The following NUDT17 variants were observed in gnomAD, a reference collection of about 807,000 sequenced individuals.
NUDT17 encodes m7GpppN-mRNA hydrolase NUDT17.
NUDT17 carries 38 observed loss-of-function variants against 38.6 expected under a neutral mutation model. The observed-to-expected ratio is 0.98, with a 90% CI of 0.76 to 1.29. The LOEUF (loss-of-function observed/expected upper bound fraction) is 1.29. Among genes scored for constraint, NUDT17 ranks in the 50% most tolerant of loss-of-function variants. The pLI is 0.00. For synonymous variants in NUDT17, 192 were observed against 167.8 expected, an observed-to-expected ratio of 1.14 and a Z score of -1.11; for missense variants, 462 against 415.2, an observed-to-expected ratio of 1.11 and a Z score of -0.98.
chr1:145,847,032 A>C (rs1451684148), intron 4 of NUDT17, among the ~76,000 whole-genome samples: 3 of 152,204 alleles, frequency 2.0e-5, no homozygotes, highest in Non-Finnish European at 4.4e-5. Context: ...TCTCTACTAA[A>C]AATACAAAAA....
intron 5 of NUDT17, 102 bp from the exon 6 acceptor site, chr1:145,847,481 C>G (rs1652760831): frequency 6.6e-7 from 1 of 1,522,128 alleles, no homozygotes; most frequent in Non-Finnish European, 9.1e-7. Flanking sequence ...GCCCTTTCCC[C>G]TTGCTCCTGC....
rs1553733287 is a variant in NUDT17, at chr1:145,848,424, CA to C, written c.935del (p.Lys312ArgfsTer20). The C allele has an allele frequency of 2.5e-6, 4 of 1,614,130 alleles. No individual in the cohort carries two copies. The highest frequency in any genetic ancestry group is 3.4e-6 in the Non-Finnish European group (4 of 1,180,008). On this transcript the variant is annotated frameshift_variant, in exon 8 of 8. Coordinates refer to ENST00000334513, the MANE Select transcript of NUDT17 (RefSeq NM_001012758.3). LOFTEE classifies it low-confidence loss of function (END_TRUNC). Reference protein sequence around the residue: ...KSAAYLDPGPAKEEWNMDPLP... With the variant: ...KSAAYLDPGPXKEEWNMDPLP... ...GCAGCTTACCTGGACCCAGGGCCAG[CA>C]AAGGAAGAATGGAACATGGACCCTC...
rs782744928 is a variant in NUDT17 at position 145,846,601 on chromosome 1, C to T, written c.406C>T (p.Leu136=). The change falls in exon 4 of 8, where the codon CTG becomes TTG. Residue 136 remains leucine, a synonymous_variant. Transcript: ENST00000334513. ...GGHVELEEEL[L]DGGLRELWEE... ...ATGTGTCTTCTCTGACTCCCAGCTG[C>T]TGGACGGAGGGCTTCGAGAACTTTG... The T allele has an allele frequency of 6.2e-7, 1 of 1,614,068 alleles. No homozygotes were observed. The highest frequency in any genetic ancestry group is 8.5e-7 in the Non-Finnish European group (1 of 1,179,882).
In NUDT17 at chr1:145,848,513, A is replaced by G. The variant is rs1652824611; in HGVS notation, c.*34A>G. On this transcript the variant is annotated 3_prime_UTR_variant, in exon 8 of 8. Coordinates refer to ENST00000334513, the MANE Select transcript of NUDT17 (RefSeq NM_001012758.3). ...ATCCCCTCCCTAGCCCATCTCCATG[A>G]CACTCACAGAACATTCACAACCTTT... The G allele has an allele frequency of 7.1e-7, 1 of 1,406,094 alleles. No homozygotes were observed. Among genetic ancestry groups the G allele is most frequent in the Non-Finnish European group, 1.0e-6 (1 of 998,610 alleles). 87.1% of individuals were successfully genotyped at this position (1,406,094 alleles called of 1,614,324 possible).
chr1:145,847,839 G>T, intron 6 of NUDT17, 120 bp downstream of exon 6: 1 of 1,026,960 alleles, frequency 9.7e-7, no homozygotes, highest in Non-Finnish European at 1.5e-6. Context: ...AGGAGAGTGG[G>T]TCAGCTGATA....
rs587613935 is a variant in NUDT17, at chr1:145,846,099, G to T, written c.279G>T (p.Leu93=). 6.2e-7 allele frequency: 1 copy of T among 1,603,146 alleles called. No homozygotes were observed. Among genetic ancestry groups the T allele is most frequent in the Non-Finnish European group, 8.5e-7 (1 of 1,175,512 alleles). ...AELPTDRGVD[L]GVAVILQSSD... ...TGCCCACAGATCGAGGTGTGGACCT[G>T]GGTGTGGCCGTCATTCTGCAGTCCA... Residue 93 remains leucine, a synonymous_variant, in exon 2 of 8, where the codon CTG becomes CTT. Transcript: ENST00000334513.
Position 145,847,683 on chromosome 1 carries a change from C to G in NUDT17, c.695C>G (p.Pro232Arg). 6.2e-7 allele frequency: 1 copy of G among 1,614,024 alleles called. No individual in the cohort carries two copies. Among genetic ancestry groups the G allele is most frequent in the Non-Finnish European group, 8.5e-7 (1 of 1,179,996 alleles). The change falls in exon 6 of 8, where the codon CCC becomes CGC. Residue 232 changes from proline to arginine, a missense_variant. Physicochemically the swap from Pro to Arg is moderately radical, Grantham distance 103. Coordinates refer to ENST00000334513, the MANE Select transcript of NUDT17 (RefSeq NM_001012758.3). Reference protein sequence around the residue: ...VAAAEDGTETPGLLPQDLPPS... With the variant: ...VAAAEDGTETRGLLPQDLPPS... ...GCCGCAGAGGATGGGACAGAGACAC[C>G]CGGACTTCTCCCCCAGGACCTACCA... is the stretch of plus-strand genomic sequence containing the variant.
In NUDT17 at chr1:145,846,413, T is replaced by G. The variant is rs371840507; in HGVS notation, c.377-20T>G. Reference sequence around the variant, plus strand: ...GCCAAGACCACCACCATTCACCTACTGGCCCCACTGTTGTTGCAGGTGGGC... The same window carrying G: ...GCCAAGACCACCACCATTCACCTACGGGCCCCACTGTTGTTGCAGGTGGGC... On this transcript the variant is annotated intron_variant, in intron 2 of 7. Transcript: ENST00000334513. 9 of 1,613,848 alleles carry G rather than the reference T, an allele frequency of 5.6e-6. No individual in the cohort carries two copies. Among genetic ancestry groups the G allele is most frequent in the Non-Finnish European group, 7.6e-6 (9 of 1,179,866 alleles).
At chr1:145,846,299 T>C (rs1198186179) in intron 2 of NUDT17, 103 bp downstream of exon 2, 1 of 1,463,574 alleles carries the variant, frequency 6.8e-7, no homozygotes, top group Admixed American at 1.9e-5. Flanking sequence ...GGCCCCAAAA[T>C]GTGGCATGTT....
In NUDT17 at chr1:145,846,031, T is replaced by C; in HGVS notation, c.211T>C (p.Phe71Leu). The C allele has an allele frequency of 6.2e-7, 1 of 1,603,746 alleles. No homozygotes were observed. Among genetic ancestry groups the C allele is most frequent in the Non-Finnish European group, 8.5e-7 (1 of 1,175,988 alleles). ...CTGCCAGCGACCCCCTTTCTGCCCTTTTGCGGCCCTGGAGGAGCGGCCCAG... is the reference window on the plus strand; with the variant it reads ...CTGCCAGCGACCCCCTTTCTGCCCTCTTGCGGCCCTGGAGGAGCGGCCCAG... ...LPLQRPPFCP[F>L]AALEERPRVP... The change falls in exon 2 of 8, where the codon TTT becomes CTT. Residue 71 changes from phenylalanine (F) to leucine (L), a missense_variant. Coordinates refer to ENST00000334513, the MANE Select transcript of NUDT17 (RefSeq NM_001012758.3).
rs587654875 is a variant in NUDT17, at chr1:145,846,143, T to A, written c.323T>A (p.Leu108Gln). Residue 108 changes from leucine (L) to glutamine (Q), a missense_variant, in exon 2 of 8, where the codon CTA becomes CAA. Leu to Gln is a moderately radical substitution (Grantham distance 113). Transcript: ENST00000334513. ...CAGTCCAGCGACAAGACTGTCTTGC[T>A]AACCCGAAGGGCACGCACCCTGAGC... ...ILQSSDKTVLLTRRARTLSVS... is the reference protein window; with the variant it reads ...ILQSSDKTVLQTRRARTLSVS... The A allele has an allele frequency of 6.3e-7, 1 of 1,598,924 alleles. No individual in the cohort carries two copies. The highest frequency in any genetic ancestry group is 2.3e-5 in the East Asian group (1 of 44,200).
At chr1:145,847,408 G>A in intron 5 of NUDT17, 60 bp downstream of exon 5, 1 of 1,239,440 alleles carries the variant, frequency 8.1e-7, no homozygotes, top group Non-Finnish European at 1.2e-6. Context: ...ACCTGGTTCT[G>A]ACTGTGATTA....
chr1:145,848,109 C>G lies in NUDT17; in HGVS notation c.732-3C>G. On this transcript the variant is annotated splice_region_variant and splice_polypyrimidine_tract_variant and intron_variant, in intron 6 of 7. Transcript: ENST00000334513. ...AGCCCCAACAGGAGTTGTCACCATGCAGTGCAGTGGAACTAGAGGAGGATG... is the reference window on the plus strand; with the variant it reads ...AGCCCCAACAGGAGTTGTCACCATGGAGTGCAGTGGAACTAGAGGAGGATG... The G allele has an allele frequency of 6.2e-7, 1 of 1,613,296 alleles. No homozygotes were observed. Among genetic ancestry groups the G allele is most frequent in the Non-Finnish European group, 8.5e-7 (1 of 1,179,964 alleles).
At position 145,847,274 on chromosome 1, in the gene NUDT17, T is replaced by C; in HGVS notation, c.520T>C (p.Trp174Arg). ...GTCTGCCTACCCTCCTAGGCTGAGCTGGGGTTTACCCAAATACCATCACAT... is the reference window on the plus strand; with the variant it reads ...GTCTGCCTACCCTCCTAGGCTGAGCCGGGGTTTACCCAAATACCATCACAT... ...WESAYPPRLSWGLPKYHHIVL... is the reference protein window; with the variant it reads ...WESAYPPRLSRGLPKYHHIVL... The change falls in exon 5 of 8, where the codon TGG (tryptophan) becomes CGG (arginine). Residue 174 changes from tryptophan to arginine, a missense_variant. Transcript: ENST00000334513. The C allele has an allele frequency of 1.2e-6, 2 of 1,609,854 alleles. No homozygotes were observed. Among genetic ancestry groups the C allele is most frequent in the Non-Finnish European group, 1.7e-6 (2 of 1,177,490 alleles).
Position 145,846,665 on chromosome 1 carries a change from C to T in NUDT17, c.470C>T (p.Ser157Phe), listed in dbSNP as rs1000597933. 5.0e-6 allele frequency: 8 copies of T among 1,613,824 alleles called. No homozygotes were observed. The highest frequency in any genetic ancestry group is 6.8e-6 in the Non-Finnish European group (8 of 1,179,688). Residue 157 changes from serine to phenylalanine, a missense_variant, in exon 4 of 8, where the codon TCT becomes TTT. Ser to Phe is a radical substitution (Grantham distance 155, BLOSUM62 -2). Transcript: ENST00000334513. Reference protein sequence around the residue: ...SGLHLPQGQFSWVPLGLWESA... With the variant: ...SGLHLPQGQFFWVPLGLWESA... ...CTACACCTGCCCCAGGGCCAGTTCT[C>T]TTGGGTCCCTCTGGGTTTATGGGAG...
At chr1:145,846,310 CAT>C (rs1210433075) in intron 2 of NUDT17, 114 bp downstream of exon 2, 6 of 1,460,834 alleles carry the variant, frequency 4.1e-6, no homozygotes, top group African/African-American at 2.8e-5. Context: ...GTGGCATGTT[CAT>C]AGTCACAAGG....
intron 7 of NUDT17, 56 bp downstream of exon 7, chr1:145,848,320 T>A: frequency 6.2e-7 from 1 of 1,612,782 alleles, no homozygotes; most frequent in Non-Finnish European, 8.5e-7. Flanking sequence ...ATGGTCTAGT[T>A]TTTACAGGCA....
At position 145,845,646 on chromosome 1, in the gene NUDT17, C is replaced by G. The variant is rs1194657147; in HGVS notation, c.6C>G (p.Ala2=). 5 of 1,516,530 alleles carry G rather than the reference C, an allele frequency of 3.3e-6. No homozygotes were observed. In the African/African-American group the frequency reaches 5.5e-5, roughly 17 times the overall value. The allele number at this position is 1,516,530 out of a possible 1,614,324, so 93.9% of individuals were successfully genotyped here. Residue 2 remains alanine (A), a synonymous_variant, in exon 1 of 8, where the codon GCC becomes GCG. Transcript: ENST00000334513. Reference sequence around the variant, plus strand: ...AGCGACTCCAGAGTCGCGTTATGGCCGAGGTGCGGGTGCAGCTGCTCCTGT... The same window carrying G: ...AGCGACTCCAGAGTCGCGTTATGGCGGAGGTGCGGGTGCAGCTGCTCCTGT... M[A]EVRVQLLLSR...
Position 145,847,610 on chromosome 1 carries a change from G to A in NUDT17, c.622G>A (p.Val208Met), listed in dbSNP as rs781893766. ...CCGGATCCAACCAAACCCAAATGAG[G>A]TGAGCGCCCTTATGTGGCTGACACC... is the stretch of plus-strand genomic sequence containing the variant. Reference protein sequence around the residue: ...QARIQPNPNEVSALMWLTPDV... With the variant: ...QARIQPNPNEMSALMWLTPDV... Residue 208 changes from valine to methionine, a missense_variant, in exon 6 of 8, where the codon GTG becomes ATG. Val to Met is a conservative substitution (Grantham distance 21). Coordinates refer to ENST00000334513, the MANE Select transcript of NUDT17 (RefSeq NM_001012758.3). 77 of 1,613,742 alleles carry A rather than the reference G, an allele frequency of 4.8e-5. No individual in the cohort carries two copies. The highest frequency in any genetic ancestry group is 6.4e-5 in the Non-Finnish European group (76 of 1,180,036).
Sources: allele counts gnomAD v4.1 joint callset (sites outside exome capture counted in the v4.1 genomes callset), GRCh38; gene constraint gnomAD v4.1.1; transcripts MANE v1.5; gene names NCBI Gene and HGNC (gene_info 2026-07-23, HGNC 2026-07-21).